The following CDKAL1 variants were observed in gnomAD, a reference collection of about 807,000 sequenced individuals.
CDKAL1 encodes threonylcarbamoyladenosine tRNA methylthiotransferase.
In CDKAL1, 32 loss-of-function variants were observed where a neutral mutation model predicts 68.2. That is an observed-to-expected ratio of 0.47 (90% confidence interval 0.35 to 0.63). The LOEUF is 0.63. Ranked by LOEUF, CDKAL1 falls within the 30% of genes least tolerant of loss-of-function variation. The pLI, the probability that CDKAL1 is intolerant of heterozygous loss-of-function variation, is 0.00. For synonymous variants in CDKAL1, 234 were observed against 244.3 expected (o/e 0.96, Z 0.39); for missense variants, 606 against 696.7 (o/e 0.87, Z 1.47).
At chr6:21,116,882 A>C (rs976109398) in intron 13 of CDKAL1, among the ~76,000 whole-genome samples, 1 of 152,206 alleles carries the variant, frequency 6.6e-6, no homozygotes, top group African/African-American at 2.4e-5. Flanking sequence ...TACTTCCTCT[A>C]TGAAATTCAC....
At chr6:20,958,022 G>T (rs73375733) in intron 10 of CDKAL1, among the ~76,000 whole-genome samples, 1 of 147,424 alleles carries the variant, frequency 6.8e-6, no homozygotes, top group Non-Finnish European at 1.5e-5. Context: ...AAATTATAGA[G>T]CCCACACTGT....
chr6:21,002,432 T>C (rs1439221813), intron 11 of CDKAL1, among the ~76,000 whole-genome samples: 1 of 152,130 alleles, frequency 6.6e-6, no homozygotes, highest in East Asian at 1.9e-4. Context: ...TCAAGTGCCA[T>C]GCGTCAATTA....
chr6:20,546,335 T>C lies in CDKAL1; in HGVS notation c.-5-11T>C, dbSNP rs1763601610. 3.2e-6 allele frequency: 5 copies of C among 1,578,478 alleles called. No homozygotes were observed. In the Admixed American group the frequency reaches 5.4e-5, roughly 17 times the overall value. ...CATAAGTTGATTTTATTTATAACTT[T>C]TATGTGGTAGAGAATATGCCTTCTG... is the stretch of plus-strand genomic sequence containing the variant. On this transcript the variant is annotated splice_polypyrimidine_tract_variant and intron_variant, in intron 2 of 15. Transcript: ENST00000274695.
intron 4 of CDKAL1, among the ~76,000 whole-genome samples, chr6:20,550,945 C>G (rs530212501): frequency 1.4e-5 from 2 of 144,902 alleles, no homozygotes; most frequent in East Asian, 4.1e-4. Context: ...TGGCCCACAG[C>G]AAGCTCCGCC....
At chr6:20,843,855 TAGA>T (rs1346650964) in intron 8 of CDKAL1, among the ~76,000 whole-genome samples, 2 of 152,122 alleles carry the variant, frequency 1.3e-5, no homozygotes, top group Non-Finnish European at 2.9e-5. Flanking sequence ...GAGGTAGTAT[TAGA>T]AGGAGAGATG....
At chr6:21,096,191 C>T (rs1258285560) in intron 12 of CDKAL1, among the ~76,000 whole-genome samples, 1 of 152,164 alleles carries the variant, frequency 6.6e-6, no homozygotes, top group East Asian at 1.9e-4. Flanking sequence ...AATGGGGTGA[C>T]ACCAGGGGTT....
intron 13 of CDKAL1, 43 bp downstream of exon 13, chr6:21,108,506 T>C: frequency 7.9e-7 from 1 of 1,268,524 alleles, no homozygotes; most frequent in Non-Finnish European, 1.1e-6. Context: ...TTAAAGTCTT[T>C]CCGAATGTAT....
Position 20,555,748 on chromosome 6 carries a change from G to A in CDKAL1, c.286+7043G>A, listed in dbSNP as rs541051999. On this transcript the variant is annotated intron_variant, in intron 4 of 15. Transcript: ENST00000274695. Reference sequence around the variant, plus strand: ...CACCATTCTCCTGCCTCAGCCTCCCGAGTAGCTGGGACTACAGGCACCCGC... The same window carrying A: ...CACCATTCTCCTGCCTCAGCCTCCCAAGTAGCTGGGACTACAGGCACCCGC... Among the ~76,000 whole-genome samples, 6 of 147,580 alleles carry A rather than the reference G, an allele frequency of 4.1e-5. No homozygotes were observed. In the East Asian group the frequency reaches 1.1e-3, roughly 26 times the overall value.
chr6:20,950,101 A>G (rs1157681793), intron 9 of CDKAL1, among the ~76,000 whole-genome samples: 1 of 151,864 alleles, frequency 6.6e-6, no homozygotes, highest in African/African-American at 2.4e-5. Flanking sequence ...GGTATTTTTT[A>G]TGCAAAGAAG....
intron 5 of CDKAL1, among the ~76,000 whole-genome samples, chr6:20,681,382 C>T (rs1191995137): frequency 6.6e-6 from 1 of 152,228 alleles, no homozygotes; most frequent in Non-Finnish European, 1.5e-5. Flanking sequence ...GTTTCAACCA[C>T]TGTTTGCCTG....
rs1760848387 is a variant in CDKAL1, at chr6:20,882,015, A to G, written c.742+35837A>G. Among the ~76,000 whole-genome samples, 4 of 152,184 alleles carry G rather than the reference A, an allele frequency of 2.6e-5. No individual in the cohort carries two copies. In the South Asian group the frequency reaches 8.3e-4, roughly 31 times the overall value. ...TTTGCCCTTTCCAGATATCATATAAATGGAATCATGCGATATGTAGCCTGA... is the reference window on the plus strand; with the variant it reads ...TTTGCCCTTTCCAGATATCATATAAGTGGAATCATGCGATATGTAGCCTGA... On this transcript the variant is annotated intron_variant, in intron 9 of 15. Coordinates refer to ENST00000274695, the MANE Select transcript of CDKAL1 (RefSeq NM_017774.3).
chr6:21,070,444 C>G (rs1322608751), intron 12 of CDKAL1, among the ~76,000 whole-genome samples: 1 of 145,880 alleles, frequency 6.9e-6, no homozygotes, highest in Non-Finnish European at 1.5e-5. Context: ...TGGGTCTTCC[C>G]TGGATTTCAC....
intron 12 of CDKAL1, among the ~76,000 whole-genome samples, chr6:21,070,430 T>G (rs1488157688): frequency 6.9e-6 from 1 of 145,320 alleles, no homozygotes; most frequent in African/African-American, 2.5e-5. Flanking sequence ...TCTCAGGAAT[T>G]TTGTGGGTCT....
At chr6:21,144,631 CAAAAAAAA>C (rs59162861) in intron 13 of CDKAL1, among the ~76,000 whole-genome samples, 1 of 126,848 alleles carries the variant, frequency 7.9e-6, no homozygotes, top group Non-Finnish European at 1.7e-5. Context: ...CAAAAAATAC[CAAAAAAAA>C]AAAAAAAAGA....
rs1779988610 is a variant in CDKAL1, at chr6:21,231,903, C to T, written c.*864C>T. On this transcript the variant is annotated 3_prime_UTR_variant, in exon 16 of 16. Transcript: ENST00000274695. ...GGAGAGTCTGCCAGCTAAAGGACTC[C>T]TGGCAACATTCTGTGAAATATGAAA... 1 of 151,872 alleles carries T rather than the reference C, an allele frequency of 6.6e-6. No homozygotes were observed. The highest frequency in any genetic ancestry group is 1.5e-5 in the Non-Finnish European group (1 of 68,002). 9.4% of individuals were successfully genotyped at this position (151,872 alleles called of 1,614,324 possible).
intron 11 of CDKAL1, among the ~76,000 whole-genome samples, chr6:21,058,587 T>C (rs1316560779): frequency 6.6e-6 from 1 of 152,262 alleles, no homozygotes; most frequent in African/African-American, 2.4e-5. Flanking sequence ...CAGACTTGTT[T>C]ATGTAGTTGC....
chr6:21,204,714 T>C (rs984813055), intron 15 of CDKAL1, among the ~76,000 whole-genome samples: 6 of 152,204 alleles, frequency 3.9e-5, no homozygotes, highest in African/African-American at 1.4e-4. Flanking sequence ...AGTCACAAAA[T>C]TTGAAGGTAG....
chr6:21,143,798 A>G (rs562152620), intron 13 of CDKAL1, among the ~76,000 whole-genome samples: 1 of 152,190 alleles, frequency 6.6e-6, no homozygotes, highest in South Asian at 2.1e-4. Context: ...TCATGCCAGA[A>G]TTCTCCAGAC....
chr6:21,062,439 T>C (rs1051990838), intron 11 of CDKAL1, among the ~76,000 whole-genome samples: 3 of 152,216 alleles, frequency 2.0e-5, no homozygotes, highest in African/African-American at 7.2e-5. Flanking sequence ...ATAGCTTACA[T>C]GTAAAATCAT....
Sources: gnomAD v4.1 joint callset for allele counts (sites outside exome capture counted in the v4.1 genomes callset) on GRCh38, gnomAD v4.1.1 for gene constraint, MANE v1.5 for transcripts, NCBI Gene and HGNC (gene_info 2026-07-23, HGNC 2026-07-21) for gene names.